Variants in RIT2 observed in about 807,000 individuals in gnomAD.
The protein encoded by RIT2 is Ras like without CAAX 2, also known as GTP-binding protein Rit2.
A neutral mutation model predicts 23.7 loss-of-function variants in RIT2; 24 were observed. That is an observed-to-expected ratio of 1.01 (90% CI 0.73 to 1.43). The LOEUF is 1.43. Ranked by LOEUF, RIT2 falls within the 40% of genes most tolerant of loss-of-function variation. RIT2 has a pLI of 0.00. For synonymous variants in RIT2, 107 were observed against 91.1 expected (o/e 1.17, Z -0.99); for missense variants, 236 against 266.9 (o/e 0.88, Z 0.81).
intron 4 of RIT2, among the ~76,000 whole-genome samples, chr18:42,892,048 A>G (rs920284954): frequency 6.6e-6 from 1 of 151,986 alleles, no homozygotes; most frequent in Non-Finnish European, 1.5e-5. Context: ...AAACCTAAGA[A>G]AAAAAAACAC....
At chr18:42,748,208 C>A (rs777602270) in intron 4 of RIT2, among the ~76,000 whole-genome samples, 1 of 151,766 alleles carries the variant, frequency 6.6e-6, no homozygotes, top group Non-Finnish European at 1.5e-5. Flanking sequence ...GACTAATATC[C>A]ACAATCTACA....
intron 4 of RIT2, among the ~76,000 whole-genome samples, chr18:42,883,684 A>G (rs957446544): frequency 2.6e-5 from 4 of 152,214 alleles, no homozygotes; most frequent in Admixed American, 2.6e-4. Flanking sequence ...TAGAAATATA[A>G]AAATGGAAAA....
intron 1 of RIT2, among the ~76,000 whole-genome samples, chr18:43,077,938 C>T (rs55901120): frequency 3.1e-4 from 47 of 152,198 alleles, no homozygotes; most frequent in African/African-American, 8.2e-4. Context: ...ACTTCTCTTC[C>T]GCTAATTCAG....
At chr18:43,052,642 C>T (rs951442698) in intron 1 of RIT2, among the ~76,000 whole-genome samples, 1 of 151,998 alleles carries the variant, frequency 6.6e-6, no homozygotes, top group Non-Finnish European at 1.5e-5. Context: ...GTTGACATTG[C>T]CCCAGTCATG....
intron 4 of RIT2, among the ~76,000 whole-genome samples, chr18:42,754,064 T>C (rs1913107063): frequency 6.6e-6 from 1 of 152,196 alleles, no homozygotes; most frequent in Non-Finnish European, 1.5e-5. Flanking sequence ...CTATCTGCTC[T>C]GCTATTTTTC....
intron 2 of RIT2, among the ~76,000 whole-genome samples, chr18:42,993,148 A>G (rs1396064265): frequency 6.6e-6 from 1 of 152,194 alleles, no homozygotes; most frequent in African/African-American, 2.4e-5. Flanking sequence ...GGAGCTTGCT[A>G]CAAGTGCCAG....
At chr18:43,041,368 C>T (rs528772176) in intron 1 of RIT2, among the ~76,000 whole-genome samples, 98 of 152,210 alleles carry the variant, frequency 6.4e-4, no homozygotes, top group African/African-American at 2.1e-3. Flanking sequence ...TAATTTATTA[C>T]CCTTGTATAG....
At chr18:42,782,597 C>T (rs1285176845) in intron 4 of RIT2, among the ~76,000 whole-genome samples, 1 of 151,824 alleles carries the variant, frequency 6.6e-6, no homozygotes, top group African/African-American at 2.4e-5. Flanking sequence ...ACAATTTAGA[C>T]AAAGAAAAGA....
chr18:43,094,975 G>A (rs11082309), intron 1 of RIT2, among the ~76,000 whole-genome samples: 16,678 of 151,936 alleles, frequency 0.11, 1,240 homozygotes, highest in East Asian at 0.37. Context: ...CAGACATTTG[G>A]GTTGCTTCCA....
chr18:42,981,025 G>A (rs1183648462), intron 2 of RIT2, among the ~76,000 whole-genome samples: 1 of 151,968 alleles, frequency 6.6e-6, no homozygotes, highest in African/African-American at 2.4e-5. Context: ...GGATCCATTG[G>A]AAACCTAATT....
intron 2 of RIT2, among the ~76,000 whole-genome samples, chr18:42,996,693 C>A (rs1014104323): frequency 1.3e-5 from 2 of 151,914 alleles, no homozygotes; most frequent in African/African-American, 4.8e-5. Flanking sequence ...ACGGCCTCAC[C>A]CCTATCTCCC....
At chr18:42,922,862 G>A (rs1280863476) in intron 4 of RIT2, among the ~76,000 whole-genome samples, 1 of 152,060 alleles carries the variant, frequency 6.6e-6, no homozygotes, top group African/African-American at 2.4e-5. Context: ...TGGTATATAA[G>A]AGTAATTTCT....
chr18:42,754,857 C>A (rs1913124752), intron 4 of RIT2, among the ~76,000 whole-genome samples: 1 of 152,094 alleles, frequency 6.6e-6, no homozygotes, highest in South Asian at 2.1e-4. Flanking sequence ...TTTCAGAGGC[C>A]AGAATATTGC....
At chr18:42,897,100 G>A (rs1217357492) in intron 4 of RIT2, among the ~76,000 whole-genome samples, 1 of 152,116 alleles carries the variant, frequency 6.6e-6, no homozygotes, top group African/African-American at 2.4e-5. Context: ...GGTTCTACAG[G>A]TACTACACAG....
chr18:42,924,573 T>C (rs1037606977), intron 3 of RIT2, among the ~76,000 whole-genome samples: 2 of 152,078 alleles, frequency 1.3e-5, no homozygotes, highest in Admixed American at 1.3e-4. Flanking sequence ...AAAATGACAA[T>C]GGCTAATTAG....
intron 1 of RIT2, among the ~76,000 whole-genome samples, chr18:43,097,821 G>A (rs77636456): frequency 0.11 from 17,100 of 151,882 alleles, 1,285 homozygotes; most frequent in East Asian, 0.37. Flanking sequence ...TGAACTTGCC[G>A]TTACATAAAT....
chr18:42,891,514 A>G (rs182956359), intron 4 of RIT2, among the ~76,000 whole-genome samples: 13 of 152,278 alleles, frequency 8.5e-5, no homozygotes, highest in African/African-American at 2.6e-4. Flanking sequence ...CAGTAGGTAA[A>G]TGCATAAACA....
Position 42,743,380 on chromosome 18 carries a change from G to T in RIT2, c.*113C>A. ...CAGAGCTTGCTTTTACCTACAGGCA[G>T]ATATTTAAAGAGAGAGAGACACATA... On this transcript the variant is annotated 3_prime_UTR_variant, in exon 5 of 5. Coordinates refer to ENST00000326695, the MANE Select transcript of RIT2 (RefSeq NM_002930.4). 1.3e-6 allele frequency: 1 copy of T among 777,250 alleles called. No individual in the cohort carries two copies. The highest frequency in any genetic ancestry group is 2.1e-6 in the Non-Finnish European group (1 of 475,446). The allele number at this position is 777,250 out of a possible 1,614,324, so 48.1% of individuals were successfully genotyped here.
chr18:42,760,821 G>C (rs1913283168), intron 4 of RIT2, among the ~76,000 whole-genome samples: 1 of 152,136 alleles, frequency 6.6e-6, no homozygotes, highest in Admixed American at 6.6e-5. Flanking sequence ...ACGCATGGCT[G>C]GTCTCCCTGC....
Sources: allele counts gnomAD v4.1 joint callset (sites outside exome capture counted in the v4.1 genomes callset), GRCh38; gene constraint gnomAD v4.1.1; transcripts MANE v1.5; gene names NCBI Gene and HGNC (gene_info 2026-07-23, HGNC 2026-07-21).